SPATS2L: variants seen among roughly 807,000 people sequenced by gnomAD.
SPATS2L encodes SPATS2-like protein.
A neutral mutation model predicts 59.6 loss-of-function variants in SPATS2L; 30 were observed. That is an observed-to-expected ratio of 0.50 (90% confidence interval 0.38 to 0.68). The LOEUF is 0.68. Among genes scored for constraint, SPATS2L ranks in the 30% least tolerant of loss-of-function variants. SPATS2L has a pLI of 0.00. For missense variants in SPATS2L, 615 were observed against 700.0 expected (o/e 0.88, Z 1.37); for synonymous variants, 252 against 263.5 (o/e 0.96, Z 0.42).
intron 8 of SPATS2L, among the ~76,000 whole-genome samples, chr2:200,441,586 C>T (rs1413306550): frequency 3.9e-5 from 6 of 152,142 alleles, no homozygotes; most frequent in Admixed American, 3.9e-4. Context: ...CTCTCTCCTT[C>T]CTCTCTCCTG....
At chr2:200,474,731 A>C (rs1398350137) in intron 12 of SPATS2L, among the ~76,000 whole-genome samples, 1 of 152,244 alleles carries the variant, frequency 6.6e-6, no homozygotes, top group Non-Finnish European at 1.5e-5. Context: ...ATACTTCTTC[A>C]GTTCTCTGGT....
chr2:200,323,279 A>G (rs1299776835), intron 1 of SPATS2L, among the ~76,000 whole-genome samples: 1 of 152,138 alleles, frequency 6.6e-6, no homozygotes, highest in African/African-American at 2.4e-5. Context: ...AATGACTACT[A>G]TATAGTCAGA....
At chr2:200,412,267 A>T (rs756902767) in intron 3 of SPATS2L, 44 bp from the exon 4 acceptor site, 1 of 1,190,706 alleles carries the variant, frequency 8.4e-7, no homozygotes, top group Non-Finnish European at 1.2e-6. Context: ...AAAAATATTT[A>T]AAGTGTTCAC....
intron 6 of SPATS2L, among the ~76,000 whole-genome samples, chr2:200,420,868 A>C (rs768056601): frequency 1.1e-4 from 16 of 152,122 alleles, no homozygotes; most frequent in Non-Finnish European, 2.1e-4. Context: ...GTCATCTAGC[A>C]TCCTGCCCCC....
intron 2 of SPATS2L, among the ~76,000 whole-genome samples, chr2:200,355,384 T>A (rs1230960524): frequency 6.6e-6 from 1 of 152,232 alleles, no homozygotes; most frequent in Non-Finnish European, 1.5e-5. Context: ...TCATTTGGAT[T>A]TACAAGTATC....
At position 200,467,423 on chromosome 2, in the gene SPATS2L, T is replaced by G. The variant is rs1337741770; in HGVS notation, c.957+24T>G. 5 of 1,534,904 alleles carry G rather than the reference T, an allele frequency of 3.3e-6. No individual in the cohort carries two copies. In the South Asian group the frequency reaches 3.4e-5, roughly 10 times the overall value. On this transcript the variant is annotated intron_variant, in intron 10 of 12. Coordinates refer to ENST00000409140, the MANE Select transcript of SPATS2L (RefSeq NM_001100423.2). Reference sequence around the variant, plus strand: ...AGGTCAGTTCTAAAATATCACAGCCTGAACCCTGAGCCAGAGAGCTGATCC... The same window carrying G: ...AGGTCAGTTCTAAAATATCACAGCCGGAACCCTGAGCCAGAGAGCTGATCC...
intron 1 of SPATS2L, among the ~76,000 whole-genome samples, chr2:200,314,729 G>C (rs72918472): frequency 0.019 from 2,889 of 152,282 alleles, 39 homozygotes; most frequent in Middle Eastern, 0.082. Context: ...TAGACCTGCT[G>C]TTCAGTACTG....
intron 6 of SPATS2L, 120 bp downstream of exon 6, chr2:200,419,616 C>A: frequency 7.9e-6 from 9 of 1,140,654 alleles, no homozygotes; most frequent in Non-Finnish European, 1.1e-5. Flanking sequence ...GCAGTGTGTA[C>A]GATTCAGCCT....
At chr2:200,317,132 C>A (rs1257366186) in intron 1 of SPATS2L, among the ~76,000 whole-genome samples, 1 of 152,184 alleles carries the variant, frequency 6.6e-6, no homozygotes, top group African/African-American at 2.4e-5. Context: ...TATCAAGTTT[C>A]TCTTTTTTGC....
intron 2 of SPATS2L, among the ~76,000 whole-genome samples, chr2:200,360,876 G>T (rs887469154): frequency 5.9e-5 from 9 of 151,492 alleles, no homozygotes; most frequent in African/African-American, 2.2e-4. Flanking sequence ...GAGGCCTGAG[G>T]CTTGATGCCA....
rs147097929 is a variant in SPATS2L at position 200,452,417 on chromosome 2, G to T, written c.789-7352G>T. ...TTTAATTAATTATGTCCTTTTTGAAGAACTCCAAAATATTACTAATGTTGA... is the reference window on the plus strand; with the variant it reads ...TTTAATTAATTATGTCCTTTTTGAATAACTCCAAAATATTACTAATGTTGA... On this transcript the variant is annotated intron_variant, in intron 8 of 12. Transcript: ENST00000409140. 8.8e-3 allele frequency among the ~76,000 whole-genome samples: 1,339 copies of T among 152,196 alleles called. 14 individuals carry two copies. The highest frequency in any genetic ancestry group is 0.03 in the African/African-American group (1,242 of 41,520).
chr2:200,331,907 G>C (rs913841135), intron 2 of SPATS2L, among the ~76,000 whole-genome samples: 2 of 152,164 alleles, frequency 1.3e-5, no homozygotes, highest in African/African-American at 4.8e-5. Context: ...GAACATTTAT[G>C]ATGGTAATGA....
chr2:200,376,105 T>C (rs747503138), intron 2 of SPATS2L, among the ~76,000 whole-genome samples: 2 of 152,192 alleles, frequency 1.3e-5, no homozygotes, highest in Non-Finnish European at 2.9e-5. Flanking sequence ...TCAAAGGCAT[T>C]GTATTTGGAA....
intron 8 of SPATS2L, among the ~76,000 whole-genome samples, chr2:200,441,259 G>A (rs187088916): frequency 1.7e-3 from 256 of 152,254 alleles, no homozygotes; most frequent in African/African-American, 6.1e-3. Context: ...TAAACATGGT[G>A]CATCAATATG....
chr2:200,380,189 G>A (rs1346022844), intron 2 of SPATS2L, among the ~76,000 whole-genome samples: 2 of 152,108 alleles, frequency 1.3e-5, no homozygotes, highest in Admixed American at 6.5e-5. Context: ...ATTTATTTTA[G>A]CTGTCCTTTG....
intron 6 of SPATS2L, among the ~76,000 whole-genome samples, chr2:200,436,235 A>G (rs2084282453): frequency 6.6e-6 from 1 of 152,178 alleles, no homozygotes; most frequent in Admixed American, 6.5e-5. Context: ...TTTCTGTTAT[A>G]GCTCTATAAC....
intron 1 of SPATS2L, among the ~76,000 whole-genome samples, chr2:200,307,349 GGC>G (rs1000086056): frequency 1.3e-5 from 2 of 151,756 alleles, no homozygotes; most frequent in Admixed American, 1.3e-4. Context: ...CCGTCCCCCA[GGC>G]TGCTCTCTGG....
Position 200,481,267 on chromosome 2 carries a change from T to C in SPATS2L, c.*3236T>C, listed in dbSNP as rs902029946. ...TGGCATCAGAAAAGGAGATTCTAAT[T>C]AAACATTCTTAGGGAAGGACATCAA... is the stretch of plus-strand genomic sequence containing the variant. On this transcript the variant is annotated 3_prime_UTR_variant, in exon 13 of 13. Coordinates refer to ENST00000409140, the MANE Select transcript of SPATS2L (RefSeq NM_001100423.2). 5 of 152,258 alleles carry C rather than the reference T, an allele frequency of 3.3e-5. No individual in the cohort carries two copies. Among genetic ancestry groups the C allele is most frequent in the Admixed American group, 6.5e-5 (1 of 15,292 alleles). The allele number at this position is 152,258 out of a possible 1,614,324, so 9.4% of individuals were successfully genotyped here. A position where few individuals can be genotyped will look rare whatever the true frequency, so the allele number is the denominator to read the frequency against.
intron 9 of SPATS2L, among the ~76,000 whole-genome samples, chr2:200,461,903 G>A (rs2086264641): frequency 6.6e-6 from 1 of 152,264 alleles, no homozygotes; most frequent in African/African-American, 2.4e-5. Flanking sequence ...CTAAATAATT[G>A]TAAGCAACAT....
Sources: gnomAD v4.1 joint callset for allele counts (sites outside exome capture counted in the v4.1 genomes callset) on GRCh38, gnomAD v4.1.1 for gene constraint, MANE v1.5 for transcripts, NCBI Gene and HGNC (gene_info 2026-07-23, HGNC 2026-07-21) for gene names.